Variants in ACACB observed in about 807,000 individuals in gnomAD.
ACACB encodes the protein acetyl-CoA carboxylase 2.
Under a neutral mutation model 278.8 loss-of-function variants are expected in ACACB, and 209 were observed. The observed-to-expected ratio is 0.75, with a 90% CI of 0.67 to 0.84. The LOEUF is 0.84. ACACB is among the 40% of genes least tolerant of loss of function. The pLI is 0.00. For missense variants in ACACB, 2,850 were observed against 3,269.0 expected (o/e 0.87, Z 3.13); for synonymous variants, 1,174 against 1,285.6 (o/e 0.91, Z 1.86).
At chr12:109,151,229 C>T (rs995819412) in intron 2 of ACACB, among the ~76,000 whole-genome samples, 2 of 152,038 alleles carry the variant, frequency 1.3e-5, no homozygotes, top group African/African-American at 4.8e-5. Context: ...ATGATCTGCC[C>T]TCCTTGGCCT....
intron 39 of ACACB, among the ~76,000 whole-genome samples, chr12:109,246,852 G>A (rs2046961298): frequency 6.6e-6 from 1 of 152,138 alleles, no homozygotes; most frequent in South Asian, 2.1e-4. Flanking sequence ...AGGATAGCTT[G>A]AAGCCAGGAA....
chr12:109,156,587 GTTT>G lies in ACACB; in HGVS notation c.654-10259_654-10257del, dbSNP rs10616119. The stretch of plus-strand genomic sequence containing the variant: ...GCGGATATTCAGGCTGTTTCTCTCT[GTTT>G]TTTTTTTTTTTTTTGGGGGGGGGCT... On this transcript the variant is annotated intron_variant, in intron 2 of 52. Coordinates refer to ENST00000338432, the MANE Select transcript of ACACB (RefSeq NM_001093.4). 4.7e-3 allele frequency among the ~76,000 whole-genome samples: 623 copies of G among 131,656 alleles called. 4 individuals carry two copies. Among genetic ancestry groups the G allele is most frequent in the African/African-American group, 0.013 (446 of 35,004 alleles). 86.4% of individuals were successfully genotyped at this position (131,656 alleles called of 152,430 possible). A position where few individuals can be genotyped will look rare whatever the true frequency, so the allele number is the denominator to read the frequency against.
At position 109,197,048 on chromosome 12, in the gene ACACB, A is replaced by T; in HGVS notation, c.2522A>T (p.Asn841Ile). Residue 841 changes from asparagine (N) to isoleucine (I), a missense_variant, in exon 17 of 53, where the codon AAT becomes ATT. Physicochemically the swap from Asn to Ile is moderately radical, Grantham distance 149 (BLOSUM62 -3). Transcript: ENST00000338432. ...QSLTMFVLIM[N>I]GCHIEIDAHR... is the part of the protein sequence containing the mutation. ...CTGACCATGTTCGTTCTCATCATGA[A>T]TGGCTGCCACATCGAGATTGATGCC... The T allele has an allele frequency of 6.3e-7, 1 of 1,590,268 alleles. No individual in the cohort carries two copies. Among genetic ancestry groups the T allele is most frequent in the Non-Finnish European group, 8.5e-7 (1 of 1,170,708 alleles).
At chr12:109,127,602 A>C (rs889912892) in intron 1 of ACACB, among the ~76,000 whole-genome samples, 12 of 152,022 alleles carry the variant, frequency 7.9e-5, no homozygotes, top group Non-Finnish European at 2.9e-5. Context: ...TCGCCTAAAA[A>C]AAAAAAAAGA....
At chr12:109,137,877 C>A (rs1241904363) in intron 1 of ACACB, among the ~76,000 whole-genome samples, 2 of 150,272 alleles carry the variant, frequency 1.3e-5, no homozygotes, top group Non-Finnish European at 3.0e-5. Flanking sequence ...ACCTCTGCCT[C>A]CTGGGCTTTT....
chr12:109,257,655 T>C (rs1372571885), intron 45 of ACACB, among the ~76,000 whole-genome samples: 4 of 152,132 alleles, frequency 2.6e-5, no homozygotes, highest in Non-Finnish European at 5.9e-5. Context: ...ACTGCAGCCT[T>C]GACCTCCTGG....
intron 24 of ACACB, among the ~76,000 whole-genome samples, chr12:109,220,440 G>A (rs113000197): frequency 8.5e-5 from 13 of 152,272 alleles, no homozygotes; most frequent in Admixed American, 4.6e-4. Context: ...ATGGGACTTC[G>A]TTAGTGACAA....
intron 48 of ACACB, 127 bp downstream of exon 48, chr12:109,260,784 C>T: frequency 9.9e-7 from 1 of 1,005,630 alleles, no homozygotes; most frequent in Non-Finnish European, 1.4e-6. Context: ...AATGTTGTCT[C>T]TTCTTTCATG....
chr12:109,264,003 G>C (rs2047445939), intron 49 of ACACB: 1 of 516,620 alleles, frequency 1.9e-6, no homozygotes, highest in African/African-American at 1.9e-5. Flanking sequence ...GGGCCATCAA[G>C]ATGGGCCTGG....
chr12:109,179,653 AT>A (rs1007639203), intron 10 of ACACB, among the ~76,000 whole-genome samples: 4 of 151,972 alleles, frequency 2.6e-5, no homozygotes, highest in African/African-American at 7.3e-5. Context: ...TGTCTGGCTA[AT>A]TTTAAAAAAA....
At chr12:109,206,082 G>A (rs1040124337) in intron 19 of ACACB, among the ~76,000 whole-genome samples, 3 of 152,076 alleles carry the variant, frequency 2.0e-5, no homozygotes, top group African/African-American at 7.2e-5. Context: ...GGATTCAATA[G>A]AGAATGAAAA....
intron 28 of ACACB, among the ~76,000 whole-genome samples, chr12:109,229,271 C>G (rs1306249407): frequency 1.3e-5 from 2 of 152,100 alleles, no homozygotes; most frequent in Non-Finnish European, 2.9e-5. Flanking sequence ...AGCTCTTATC[C>G]TCTATCGGCC....
At chr12:109,260,012 A>T in intron 47 of ACACB, 1 of 1,272,918 alleles carries the variant, frequency 7.9e-7, no homozygotes, top group East Asian at 4.6e-5. Flanking sequence ...CTAATTGCTG[A>T]CATGCAGTGT....
At chr12:109,141,559 G>C (rs1014772423) in intron 2 of ACACB, among the ~76,000 whole-genome samples, 5 of 152,204 alleles carry the variant, frequency 3.3e-5, no homozygotes, top group Admixed American at 2.6e-4. Flanking sequence ...CTTCCTTCTA[G>C]TGTGTTTTTC....
intron 1 of ACACB, among the ~76,000 whole-genome samples, chr12:109,133,447 T>C (rs1391798276): frequency 6.6e-6 from 1 of 151,938 alleles, no homozygotes; most frequent in Non-Finnish European, 1.5e-5. Context: ...CCCAGGCAGG[T>C]TGTAAACTCC....
chr12:109,199,879 G>A (rs2136326238), intron 18 of ACACB, among the ~76,000 whole-genome samples: 1 of 152,108 alleles, frequency 6.6e-6, no homozygotes, highest in Admixed American at 6.5e-5. Flanking sequence ...CGGGCATGGT[G>A]GCAGGCGCCT....
intron 6 of ACACB, 96 bp from the exon 7 acceptor site, chr12:109,174,036 T>A: frequency 9.9e-7 from 1 of 1,011,046 alleles, no homozygotes; most frequent in Non-Finnish European, 1.5e-6. Flanking sequence ...ATCTGCTCCT[T>A]ACCTGGCCCC....
At chr12:109,232,871 C>T in intron 29 of ACACB, 65 bp downstream of exon 29, 10 of 1,586,942 alleles carry the variant, frequency 6.3e-6, no homozygotes, top group South Asian at 5.7e-5. Context: ...CCCTTGAATC[C>T]CCCCCCAATT....
chr12:109,136,453 T>C (rs1248424563), intron 1 of ACACB, among the ~76,000 whole-genome samples: 1 of 152,232 alleles, frequency 6.6e-6, no homozygotes, highest in Non-Finnish European at 1.5e-5. Flanking sequence ...CTTTTAGTAA[T>C]GTTTTGTAGT....
Sources: gnomAD v4.1 joint callset for allele counts (sites outside exome capture counted in the v4.1 genomes callset) on GRCh38, gnomAD v4.1.1 for gene constraint, MANE v1.5 for transcripts, NCBI Gene and HGNC (gene_info 2026-07-23, HGNC 2026-07-21) for gene names.